ANKRD44: variants seen among roughly 807,000 people sequenced by gnomAD.
ANKRD44 encodes the protein ankyrin repeat domain 44.
Under a neutral mutation model 116.0 loss-of-function variants are expected in ANKRD44, and 35 were observed. That is an observed-to-expected ratio of 0.30 (90% CI 0.23 to 0.40). The LOEUF is 0.40. Among genes scored for constraint, ANKRD44 ranks in the 10% least tolerant of loss-of-function variants. The pLI, the probability that ANKRD44 is intolerant of heterozygous loss-of-function variation, is 1.00. For missense variants in ANKRD44, 1,014 were observed against 1,242.6 expected (o/e 0.82, Z 2.77); for synonymous variants, 435 against 461.8 (o/e 0.94, Z 0.74).
chr2:197,050,531 T>C (rs2077087737), intron 16 of ANKRD44, among the ~76,000 whole-genome samples: 1 of 151,922 alleles, frequency 6.6e-6, no homozygotes, highest in African/African-American at 2.4e-5. Context: ...CAAGCAATTC[T>C]CCTGCCTCAG....
At chr2:197,006,725 T>C (rs766919458) in intron 20 of ANKRD44, among the ~76,000 whole-genome samples, 17 of 152,232 alleles carry the variant, frequency 1.1e-4, no homozygotes, top group Non-Finnish European at 2.4e-4. Context: ...TCCTCTTCTC[T>C]TCATTTATCA....
intron 1 of ANKRD44, among the ~76,000 whole-genome samples, chr2:197,213,831 C>CTCTT (rs10676483): frequency 0.41 from 61,501 of 151,796 alleles, 15,415 homozygotes; most frequent in African/African-American, 0.72. Flanking sequence ...AAGCTTAGAA[C>CTCTT]TCTTTCTCTT....
chr2:197,102,644 TTGTG>T (rs1465900622), intron 9 of ANKRD44, among the ~76,000 whole-genome samples: 2 of 152,204 alleles, frequency 1.3e-5, no homozygotes, highest in Admixed American at 6.5e-5. Context: ...TTTTCTAAGT[TTGTG>T]TGTATGTCCT....
At position 197,121,927 on chromosome 2, in the gene ANKRD44, G is replaced by A. The variant is rs538221392; in HGVS notation, c.694-383C>T. Among the ~76,000 whole-genome samples the A allele has an allele frequency of 2.6e-5, 4 of 152,294 alleles. No individual in the cohort carries two copies. The South Asian group carries it at 8.3e-4, about 32-fold the overall frequency. On this transcript the variant is annotated intron_variant, in intron 7 of 27. Transcript: ENST00000282272. Reference sequence around the variant, plus strand: ...CACAGAAAACCTCAAGAAATGGTGGGGGATGGCAGAGGAAGTGGCTGCGGA... The same window carrying A: ...CACAGAAAACCTCAAGAAATGGTGGAGGATGGCAGAGGAAGTGGCTGCGGA...
At chr2:197,239,908 T>C (rs1027102605) in intron 1 of ANKRD44, among the ~76,000 whole-genome samples, 1 of 152,222 alleles carries the variant, frequency 6.6e-6, no homozygotes, top group African/African-American at 2.4e-5. Context: ...TCTTCTCAAA[T>C]GTCTTCAACG....
chr2:197,192,144 C>T (rs2080839515), intron 1 of ANKRD44, among the ~76,000 whole-genome samples: 1 of 152,148 alleles, frequency 6.6e-6, no homozygotes, highest in Non-Finnish European at 1.5e-5. Context: ...TTTGCTAAAA[C>T]CACTGTATAG....
At chr2:197,050,997 C>A (rs1469841005) in intron 16 of ANKRD44, among the ~76,000 whole-genome samples, 1 of 137,710 alleles carries the variant, frequency 7.3e-6, no homozygotes, top group Non-Finnish European at 1.5e-5. Flanking sequence ...GAGACAGGCT[C>A]TGTTGCCCAT....
In ANKRD44 at chr2:197,001,837, T is replaced by C. The variant is rs762924680; in HGVS notation, c.2351A>G (p.Asn784Ser). 17 of 1,607,332 alleles carry C rather than the reference T, an allele frequency of 1.1e-5. No homozygotes were observed. In the East Asian group the frequency reaches 2.5e-4, roughly 23 times the overall value. ...TPLHWACYNG[N>S]ENCIEVLLEQ... ...CAAAAGTACCTCTATACAGTTTTCA[T>C]TACCTGCAAGAAATAAAAATAATTT... The change falls in exon 22 of 28, where the codon AAT becomes AGT. Residue 784 changes from asparagine (N) to serine (S), a missense_variant. Transcript: ENST00000282272.
intron 9 of ANKRD44, among the ~76,000 whole-genome samples, chr2:197,108,871 C>CAAAAAAAAA (rs1553509928): frequency 1.0e-4 from 15 of 150,676 alleles, no homozygotes; most frequent in African/African-American, 3.7e-4. Context: ...ACAACAACAA[C>CAAAAAAAAA]AAAAACACAA....
At chr2:197,252,868 C>A (rs1384916826) in intron 1 of ANKRD44, among the ~76,000 whole-genome samples, 1 of 152,144 alleles carries the variant, frequency 6.6e-6, no homozygotes, top group Non-Finnish European at 1.5e-5. Flanking sequence ...ATAATTTACA[C>A]CCTTAATTAA....
chr2:197,104,898 C>T (rs2078387209), intron 9 of ANKRD44, among the ~76,000 whole-genome samples: 1 of 152,218 alleles, frequency 6.6e-6, no homozygotes, highest in Non-Finnish European at 1.5e-5. Context: ...TCCCTCTACT[C>T]TCAAGACTTC....
chr2:197,192,029 CA>C (rs2080836470), intron 1 of ANKRD44, among the ~76,000 whole-genome samples: 1 of 152,140 alleles, frequency 6.6e-6, no homozygotes, highest in Non-Finnish European at 1.5e-5. Flanking sequence ...ATGGGTTCTA[CA>C]AAGAGAGCCA....
At chr2:197,291,214 A>AG (rs1237061046) in intron 1 of ANKRD44, among the ~76,000 whole-genome samples, 2 of 152,108 alleles carry the variant, frequency 1.3e-5, no homozygotes, top group Non-Finnish European at 2.9e-5. Flanking sequence ...GTCCCTAAAA[A>AG]ATAAATAAGA....
At chr2:197,294,256 A>G (rs1036595169) in intron 1 of ANKRD44, among the ~76,000 whole-genome samples, 1 of 152,230 alleles carries the variant, frequency 6.6e-6, no homozygotes, top group Admixed American at 6.5e-5. Flanking sequence ...AAGTTTCTTT[A>G]GTCTTAATTC....
intron 1 of ANKRD44, among the ~76,000 whole-genome samples, chr2:197,227,692 A>G (rs563314331): frequency 6.6e-6 from 1 of 152,204 alleles, no homozygotes; most frequent in Admixed American, 6.5e-5. Context: ...TTGAATGATC[A>G]CTGGACCAGG....
intron 2 of ANKRD44, among the ~76,000 whole-genome samples, chr2:197,168,528 A>C (rs1367984243): frequency 6.6e-6 from 1 of 152,174 alleles, no homozygotes; most frequent in Non-Finnish European, 1.5e-5. Flanking sequence ...CAATTACTAC[A>C]TGTGCAGAAT....
chr2:197,018,840 G>C (rs562586431), intron 17 of ANKRD44, among the ~76,000 whole-genome samples: 2 of 152,154 alleles, frequency 1.3e-5, no homozygotes, highest in East Asian at 3.9e-4. Context: ...TATGTGCTGG[G>C]CACTATTTCA....
At chr2:197,221,523 C>T (rs149867494) in intron 1 of ANKRD44, among the ~76,000 whole-genome samples, 19 of 152,254 alleles carry the variant, frequency 1.2e-4, no homozygotes, top group Non-Finnish European at 2.2e-4. Flanking sequence ...ATTTTAGTTA[C>T]TCTTTGACTA....
intron 1 of ANKRD44, among the ~76,000 whole-genome samples, chr2:197,206,834 G>GGAGT (rs1315863826): frequency 6.6e-6 from 1 of 152,148 alleles, no homozygotes; most frequent in African/African-American, 2.4e-5. Flanking sequence ...ATTAAGCATA[G>GGAGT]GAGTCACATA....
Sources: gnomAD v4.1 joint callset for allele counts (sites outside exome capture counted in the v4.1 genomes callset) on GRCh38, gnomAD v4.1.1 for gene constraint, MANE v1.5 for transcripts, NCBI Gene and HGNC (gene_info 2026-07-23, HGNC 2026-07-21) for gene names.